The following PDPK1 variants were observed in gnomAD, a reference collection of about 807,000 sequenced individuals.
PDPK1 encodes the protein 3-phosphoinositide-dependent protein kinase 1.
Under a neutral mutation model 39.8 loss-of-function variants are expected in PDPK1, and 7 were observed. The ratio of observed to expected loss-of-function variants is 0.18; its 90% CI spans 0.10 to 0.33. The LOEUF (loss-of-function observed/expected upper bound fraction) is 0.33. Ranked by LOEUF, PDPK1 falls within the 10% of genes least tolerant of loss-of-function variation. The pLI is 1.00. For missense variants in PDPK1, 182 were observed against 384.7 expected (o/e 0.47, Z 4.41); for synonymous variants, 118 against 159.1 (o/e 0.74, Z 1.95).
intron 1 of PDPK1, among the ~76,000 whole-genome samples, chr16:2,556,388 A>G (rs1331821846): frequency 7.9e-6 from 1 of 126,182 alleles, no homozygotes; most frequent in Non-Finnish European, 1.6e-5. Context: ...TTTTGAGACG[A>G]AATTTCACTC....
At chr16:2,577,908 G>C (rs1281281636) in intron 7 of PDPK1, among the ~76,000 whole-genome samples, 1 of 148,378 alleles carries the variant, frequency 6.7e-6, no homozygotes, top group Non-Finnish European at 1.5e-5. Context: ...CCAGCTGATT[G>C]TTGTATTTTT....
At chr16:2,551,521 C>T (rs1488002746) in intron 1 of PDPK1, among the ~76,000 whole-genome samples, 1 of 151,102 alleles carries the variant, frequency 6.6e-6, no homozygotes, top group Non-Finnish European at 1.5e-5. Context: ...CTACCTGTCG[C>T]ACTGCATTCC....
In PDPK1 at chr16:2,602,436, C is replaced by T. The variant is rs938079748; in HGVS notation, c.*4669C>T. Reference sequence around the variant, plus strand: ...AGCCTACGTGTGTACCTGAATTTTCCCCGTAACTCATTTCTTCCATATGAA... The same window carrying T: ...AGCCTACGTGTGTACCTGAATTTTCTCCGTAACTCATTTCTTCCATATGAA... On this transcript the variant is annotated 3_prime_UTR_variant, in exon 14 of 14. Transcript: ENST00000342085. 4 of 235,252 alleles carry T rather than the reference C, an allele frequency of 1.7e-5. No homozygotes were observed. The highest frequency in any genetic ancestry group is 8.8e-5 in the African/African-American group (4 of 45,330). The allele number at this position is 235,252 out of a possible 1,614,324, so 14.6% of individuals were successfully genotyped here.
chr16:2,552,223 C>T (rs1409647537), intron 1 of PDPK1, among the ~76,000 whole-genome samples: 4 of 149,926 alleles, frequency 2.7e-5, no homozygotes, highest in Admixed American at 1.3e-4. Context: ...CCTCCCACTT[C>T]GGCCTCTGGA....
intron 7 of PDPK1, among the ~76,000 whole-genome samples, chr16:2,577,816 G>A (rs1451343987): frequency 6.7e-6 from 1 of 149,308 alleles, no homozygotes; most frequent in Non-Finnish European, 1.5e-5. Context: ...TCTGCTCGCT[G>A]CAACCTCCGC....
At chr16:2,591,416 C>T (rs1302715465) in intron 11 of PDPK1, among the ~76,000 whole-genome samples, 5 of 152,102 alleles carry the variant, frequency 3.3e-5, no homozygotes, top group Non-Finnish European at 7.3e-5. Flanking sequence ...TTTAGTGTCA[C>T]GGTGTGTGGA....
At chr16:2,559,419 C>T (rs1459623717) in intron 2 of PDPK1, among the ~76,000 whole-genome samples, 2 of 145,932 alleles carry the variant, frequency 1.4e-5, no homozygotes, top group Non-Finnish European at 3.0e-5. Flanking sequence ...ACTTTGTTGC[C>T]CAGACTGGTC....
At position 2,601,815 on chromosome 16, in the gene PDPK1, A is replaced by G. The variant is rs1200931577; in HGVS notation, c.*4048A>G. 1 of 219,962 alleles carries G rather than the reference A, an allele frequency of 4.5e-6. No individual in the cohort carries two copies. Among genetic ancestry groups the G allele is most frequent in the African/African-American group, 2.3e-5 (1 of 42,814 alleles). The allele number at this position is 219,962 out of a possible 1,614,324, so 13.6% of individuals were successfully genotyped here. ...GTGTAGATTTCAGGCCGCCCCCCCC[A>G]ACTCCCTGCCCACAGTGTTGCAGAT... is the stretch of plus-strand genomic sequence containing the variant. On this transcript the variant is annotated 3_prime_UTR_variant, in exon 14 of 14. Transcript: ENST00000342085.
chr16:2,586,449 C>T (rs2066876808), intron 10 of PDPK1, among the ~76,000 whole-genome samples: 1 of 152,264 alleles, frequency 6.6e-6, no homozygotes. Context: ...CCCTCTCTGG[C>T]CCTGATTCCC....
In PDPK1 at chr16:2,598,917, C is replaced by G. The variant is rs76291069; in HGVS notation, c.*1150C>G. On this transcript the variant is annotated 3_prime_UTR_variant, in exon 14 of 14. Coordinates refer to ENST00000342085, the MANE Select transcript of PDPK1 (RefSeq NM_002613.5). Reference sequence around the variant, plus strand: ...CATCTGTGCATCAGAAATCTCACAGCCTTCTCATGCTGCCGGCTCATCTGG... The same window carrying G: ...CATCTGTGCATCAGAAATCTCACAGGCTTCTCATGCTGCCGGCTCATCTGG... 1 of 233,156 alleles carries G rather than the reference C, an allele frequency of 4.3e-6. No individual in the cohort carries two copies. The highest frequency in any genetic ancestry group is 8.5e-6 in the Non-Finnish European group (1 of 118,040). The allele number at this position is 233,156 out of a possible 1,614,324, so 14.4% of individuals were successfully genotyped here.
chr16:2,549,909 G>GGATT (rs112742416), intron 1 of PDPK1, among the ~76,000 whole-genome samples: 14,362 of 147,332 alleles, frequency 0.097, 1,542 homozygotes, highest in African/African-American at 0.34. Context: ...GAGGCACTGA[G>GGATT]GATTAGGTGC....
At chr16:2,546,530 C>T (rs1230964902) in intron 1 of PDPK1, among the ~76,000 whole-genome samples, 1 of 152,174 alleles carries the variant, frequency 6.6e-6, no homozygotes, top group Admixed American at 6.5e-5. Flanking sequence ...GATGGGGTTT[C>T]ACCATGTTGG....
At chr16:2,544,511 T>A (rs969100101) in intron 1 of PDPK1, among the ~76,000 whole-genome samples, 1 of 152,230 alleles carries the variant, frequency 6.6e-6, no homozygotes, top group African/African-American at 2.4e-5. Flanking sequence ...TGAATATCCC[T>A]AGCCTTTTCA....
Position 2,600,990 on chromosome 16 carries a change from T to C in PDPK1, c.*3223T>C. ...TTTAACAATTGTACTATTTAGTCAT[T>C]GTCCATTTACTATAATTTATCTGAC... On this transcript the variant is annotated 3_prime_UTR_variant, in exon 14 of 14. Transcript: ENST00000342085. The C allele has an allele frequency of 4.3e-6, 1 of 231,196 alleles. No homozygotes were observed. Among genetic ancestry groups the C allele is most frequent in the Non-Finnish European group, 8.5e-6 (1 of 117,594 alleles). 14.3% of individuals were successfully genotyped at this position (231,196 alleles called of 1,614,324 possible). A position where few individuals can be genotyped will look rare whatever the true frequency, so the allele number is the denominator to read the frequency against.
chr16:2,578,058 C>G (rs1464368137), intron 7 of PDPK1, among the ~76,000 whole-genome samples: 1 of 149,016 alleles, frequency 6.7e-6, no homozygotes, highest in Non-Finnish European at 1.5e-5. Flanking sequence ...TTGGGAAAAA[C>G]TATTGAGTGA....
intron 1 of PDPK1, among the ~76,000 whole-genome samples, chr16:2,546,178 G>A (rs571766917): frequency 6.6e-6 from 1 of 151,892 alleles, no homozygotes; most frequent in Admixed American, 6.6e-5. Context: ...CTGCCACCCG[G>A]GTTCAAGCGA....
intron 11 of PDPK1, among the ~76,000 whole-genome samples, chr16:2,588,810 C>T (rs532314963): frequency 6.6e-6 from 1 of 152,236 alleles, no homozygotes; most frequent in African/African-American, 2.4e-5. Flanking sequence ...GAGGTCAGGG[C>T]AGTTTTTTTT....
rs970853219 is a variant in PDPK1 at position 2,603,047 on chromosome 16, G to C, written c.*5280G>C. 4.4e-6 allele frequency: 1 copy of C among 228,098 alleles called. No homozygotes were observed. The highest frequency in any genetic ancestry group is 2.2e-5 in the African/African-American group (1 of 44,722). 14.1% of individuals were successfully genotyped at this position (228,098 alleles called of 1,614,324 possible). A position where few individuals can be genotyped will look rare whatever the true frequency, so the allele number is the denominator to read the frequency against. On this transcript the variant is annotated 3_prime_UTR_variant, in exon 14 of 14. Coordinates refer to ENST00000342085, the MANE Select transcript of PDPK1 (RefSeq NM_002613.5). ...GCTTTATTATATAAATTTTCTATTG[G>C]GTCAGTGATTTAATCATATAATTTA...
chr16:2,546,739 C>G (rs2066355651), intron 1 of PDPK1, among the ~76,000 whole-genome samples: 1 of 152,154 alleles, frequency 6.6e-6, no homozygotes, highest in African/African-American at 2.4e-5. Context: ...TTTTCCTAGG[C>G]CTTGACTTTG....
Sources: gnomAD v4.1 joint callset for allele counts (sites outside exome capture counted in the v4.1 genomes callset) on GRCh38, gnomAD v4.1.1 for gene constraint, MANE v1.5 for transcripts, NCBI Gene and HGNC (gene_info 2026-07-23, HGNC 2026-07-21) for gene names.